Variants in LRRC7 observed in about 807,000 individuals in gnomAD.
LRRC7 encodes leucine rich repeat containing 7, also known as leucine-rich repeat-containing protein 7.
Under a neutral mutation model 175.7 loss-of-function variants are expected in LRRC7, and 23 were observed. The observed-to-expected ratio is 0.13, with a 90% confidence interval of 0.09 to 0.19. The LOEUF (loss-of-function observed/expected upper bound fraction) is 0.19, where lower values mean the gene tolerates loss of function less well. Ranked by LOEUF, LRRC7 falls within the 10% of genes least tolerant of loss-of-function variation. LRRC7 has a pLI of 1.00. For synonymous variants in LRRC7, 685 were observed against 680.9 expected, an observed-to-expected ratio of 1.01 and a Z score of -0.09; for missense variants, 1,354 against 1,904.7, an observed-to-expected ratio of 0.71 and a Z score of 5.38.
chr1:69,780,535 G>A (rs1673365393), intron 3 of LRRC7, among the ~76,000 whole-genome samples: 1 of 152,026 alleles, frequency 6.6e-6, no homozygotes, highest in Non-Finnish European at 1.5e-5. Flanking sequence ...GAGAAAAGAA[G>A]CAGGGAAAGG....
chr1:69,592,546 A>C (rs972804499), intron 1 of LRRC7, among the ~76,000 whole-genome samples: 1 of 152,092 alleles, frequency 6.6e-6, no homozygotes, highest in Non-Finnish European at 1.5e-5. Flanking sequence ...GCTGGCGAAG[A>C]TCGCCTGATT....
rs968607891 is a variant in LRRC7, at chr1:70,141,324, C to T, written c.*19437C>T. 16 of 152,072 alleles carry T rather than the reference C, an allele frequency of 1.1e-4. No homozygotes were observed. The highest frequency in any genetic ancestry group is 6.6e-5 in the Admixed American group (1 of 15,248). The allele number at this position is 152,072 out of a possible 1,614,324, so 9.4% of individuals were successfully genotyped here. ...GTAGAAAGGGAGCCTGCAAATGAGA[C>T]AATAGCTTCATGCAGACTTTGGCCC... On this transcript the variant is annotated 3_prime_UTR_variant, in exon 27 of 27. Transcript: ENST00000651989.
rs143341826 is a variant in LRRC7 at position 70,019,243 on chromosome 1, T to C, written c.1420+425T>C. Among the ~76,000 whole-genome samples the C allele has an allele frequency of 4.8e-3, 731 of 152,138 alleles. 6 individuals are homozygous for C. The highest frequency in any genetic ancestry group is 0.016 in the African/African-American group (661 of 41,556). ...TTTAAACATCTAGTCCAATGATCTC[T>C]GGACTCAAATTATTTCATGGTCTAA... On this transcript the variant is annotated intron_variant, in intron 15 of 26. Coordinates refer to ENST00000651989, the MANE Select transcript of LRRC7 (RefSeq NM_001370785.2).
Position 69,903,332 on chromosome 1 carries a change from G to A in LRRC7, c.648-28175G>A, listed in dbSNP as rs144026792. ...TGGTTGCAGCCCACAGAGGGCGAGCGGAAGCAGGGTGGGGCATCGCCTCAC... is the reference window on the plus strand; with the variant it reads ...TGGTTGCAGCCCACAGAGGGCGAGCAGAAGCAGGGTGGGGCATCGCCTCAC... On this transcript the variant is annotated intron_variant, in intron 7 of 26. Transcript: ENST00000651989. Among the ~76,000 whole-genome samples, 497 of 152,264 alleles carry A rather than the reference G, an allele frequency of 3.3e-3. 1 individual carries two copies. The highest frequency in any genetic ancestry group is 0.011 in the African/African-American group (448 of 41,560).
At chr1:70,056,993 T>A (rs957928229) in intron 23 of LRRC7, among the ~76,000 whole-genome samples, 3 of 151,534 alleles carry the variant, frequency 2.0e-5, no homozygotes, top group African/African-American at 7.3e-5. Flanking sequence ...GCAATTTGCT[T>A]AAATGTTGGG....
Position 69,717,787 on chromosome 1 carries a change from A to AAAG in LRRC7, c.100+39312_100+39314dup, listed in dbSNP as rs1557640516. Among the ~76,000 whole-genome samples the AAAG allele has an allele frequency of 1.4e-3, 39 of 27,888 alleles. 1 individual carries two copies. Among genetic ancestry groups the AAAG allele is most frequent in the Admixed American group, 2.7e-3 (6 of 2,218 alleles). 18.3% of individuals were successfully genotyped at this position (27,888 alleles called of 152,430 possible). A position where few individuals can be genotyped will look rare whatever the true frequency, so the allele number is the denominator to read the frequency against. ...AAAAGAAAAAAAGAAAGAAAGAAAG[A>AAAG]AAGAAAGAAAGAAAGAAAGAAAGAA... is the stretch of plus-strand genomic sequence containing the variant. On this transcript the variant is annotated intron_variant, in intron 2 of 26. Transcript: ENST00000651989.
chr1:69,654,176 G>A (rs1053067516), intron 1 of LRRC7, among the ~76,000 whole-genome samples: 1 of 151,170 alleles, frequency 6.6e-6, no homozygotes, highest in Non-Finnish European at 1.5e-5. Context: ...ATGATACTAA[G>A]CACCTTACAT....
At chr1:69,666,057 C>T (rs1183208737) in intron 1 of LRRC7, among the ~76,000 whole-genome samples, 1 of 152,010 alleles carries the variant, frequency 6.6e-6, no homozygotes, top group Admixed American at 6.5e-5. Flanking sequence ...TTATCAAATG[C>T]TTCTTTAGCA....
chr1:69,654,545 G>A (rs774167764), intron 1 of LRRC7, among the ~76,000 whole-genome samples: 35 of 151,984 alleles, frequency 2.3e-4, no homozygotes, highest in Non-Finnish European at 4.6e-4. Context: ...CAGATCATGT[G>A]CCAAATAGAC....
At chr1:69,822,282 A>G (rs1251772717) in intron 4 of LRRC7, among the ~76,000 whole-genome samples, 1 of 152,128 alleles carries the variant, frequency 6.6e-6, no homozygotes, top group Non-Finnish European at 1.5e-5. Context: ...CTGGCTGTGT[A>G]TGCTGGCCAG....
At chr1:69,771,601 A>C (rs757942774) in intron 3 of LRRC7, among the ~76,000 whole-genome samples, 3 of 152,094 alleles carry the variant, frequency 2.0e-5, no homozygotes, top group Admixed American at 6.6e-5. Flanking sequence ...GATACAAAAA[A>C]CTCAAGATTT....
Position 69,764,778 on chromosome 1 carries a change from T to TAGATAGACAGAC in LRRC7, c.303+4388_303+4389insTAGACAGACAGA, listed in dbSNP as rs1427408341. ...ATAGATAGATAGATAGATAGATAGA[T>TAGATAGACAGAC]AGACAGACAGACAGATAGATAACTG... On this transcript the variant is annotated intron_variant, in intron 3 of 26. Transcript: ENST00000651989. 6.3e-3 allele frequency among the ~76,000 whole-genome samples: 916 copies of TAGATAGACAGAC among 144,442 alleles called. 5 individuals carry two copies. The highest frequency in any genetic ancestry group is 9.2e-3 in the African/African-American group (361 of 39,380). 94.8% of individuals were successfully genotyped at this position (144,442 alleles called of 152,430 possible). A position where few individuals can be genotyped will look rare whatever the true frequency, so the allele number is the denominator to read the frequency against.
chr1:69,913,484 C>T (rs1300066629), intron 7 of LRRC7, among the ~76,000 whole-genome samples: 1 of 152,052 alleles, frequency 6.6e-6, no homozygotes, highest in Non-Finnish European at 1.5e-5. Context: ...TACATATTCT[C>T]ATAATGAGGT....
At chr1:69,915,949 C>G (rs1646673469) in intron 7 of LRRC7, among the ~76,000 whole-genome samples, 1 of 147,502 alleles carries the variant, frequency 6.8e-6, no homozygotes, top group Non-Finnish European at 1.5e-5. Context: ...TGTTCAAAGT[C>G]AAACAGCTAG....
At chr1:69,790,094 T>C (rs900203765) in intron 3 of LRRC7, among the ~76,000 whole-genome samples, 3 of 152,056 alleles carry the variant, frequency 2.0e-5, no homozygotes, top group Admixed American at 2.0e-4. Context: ...TGTGAAAATA[T>C]GTGTGACTTA....
chr1:69,765,232 A>G (rs1191960777), intron 3 of LRRC7, among the ~76,000 whole-genome samples: 2 of 152,148 alleles, frequency 1.3e-5, no homozygotes. Context: ...GGGAAAAGTT[A>G]ATTGACTTTC....
At chr1:69,722,850 A>G (rs893756582) in intron 2 of LRRC7, among the ~76,000 whole-genome samples, 2 of 152,044 alleles carry the variant, frequency 1.3e-5, no homozygotes, top group Non-Finnish European at 2.9e-5. Context: ...TATACCATAT[A>G]TGGTATACAC....
intron 7 of LRRC7, among the ~76,000 whole-genome samples, chr1:69,860,059 T>A (rs1436290113): frequency 6.6e-6 from 1 of 152,048 alleles, no homozygotes; most frequent in African/African-American, 2.4e-5. Flanking sequence ...CTATTCCTAT[T>A]ATGTTTTTCT....
At chr1:69,745,275 G>A (rs1420088634) in intron 2 of LRRC7, among the ~76,000 whole-genome samples, 2 of 151,910 alleles carry the variant, frequency 1.3e-5, no homozygotes, top group Non-Finnish European at 2.9e-5. Flanking sequence ...TAAAGATACA[G>A]ACTTAAAACA....
Sources: allele counts gnomAD v4.1 joint callset (sites outside exome capture counted in the v4.1 genomes callset), GRCh38; gene constraint gnomAD v4.1.1; transcripts MANE v1.5; gene names NCBI Gene and HGNC (gene_info 2026-07-23, HGNC 2026-07-21).